Variants in IMMP1L observed in about 807,000 individuals in gnomAD.
IMMP1L encodes inner mitochondrial membrane peptidase subunit 1, also known as mitochondrial inner membrane protease subunit 1.
Under a neutral mutation model 21.8 loss-of-function variants are expected in IMMP1L, and 24 were observed. The ratio of observed to expected loss-of-function variants is 1.10; its 90% CI spans 0.80 to 1.55. The LOEUF is 1.55. Among genes scored for constraint, IMMP1L ranks in the 40% most tolerant of loss-of-function variants. The pLI, the probability that IMMP1L is intolerant of heterozygous loss-of-function variation, is 0.00. For synonymous variants in IMMP1L, 46 were observed against 62.8 expected (o/e 0.73, Z 1.26); for missense variants, 195 against 200.7 (o/e 0.97, Z 0.17).
At chr11:31,495,594 A>G (rs1955405384) in intron 1 of IMMP1L, among the ~76,000 whole-genome samples, 2 of 152,230 alleles carry the variant, frequency 1.3e-5, no homozygotes, top group African/African-American at 4.8e-5. Flanking sequence ...AAATGTTGAT[A>G]TTATTATTTT....
At chr11:31,449,468 T>A (rs939076461) in intron 4 of IMMP1L, among the ~76,000 whole-genome samples, 1 of 152,224 alleles carries the variant, frequency 6.6e-6, no homozygotes, top group Non-Finnish European at 1.5e-5. Context: ...AGGTTGTCCA[T>A]CAGTTTTATT....
intron 3 of IMMP1L, 118 bp from the exon 4 acceptor site, chr11:31,456,504 A>G (rs1237259245): frequency 1.5e-6 from 1 of 660,774 alleles, no homozygotes; most frequent in South Asian, 2.8e-5. Context: ...TTATCCTCTC[A>G]TATACTTACT....
intron 4 of IMMP1L, among the ~76,000 whole-genome samples, chr11:31,455,003 T>C (rs536714651): frequency 2.2e-4 from 34 of 152,260 alleles, no homozygotes; most frequent in African/African-American, 7.2e-4. Flanking sequence ...CGTAGAAAAA[T>C]ATGTTACCTG....
Position 31,472,594 on chromosome 11 carries a change from A to T in IMMP1L, c.-29-9289T>A, listed in dbSNP as rs1954595409. ...GAATCTGTTACTTTTTTTATTCCCT[A>T]TCATATTTACATTAAAAAAACTGAG... On this transcript the variant is annotated intron_variant, in intron 1 of 5. Coordinates refer to ENST00000532287, the MANE Select transcript of IMMP1L (RefSeq NM_001304274.2). Among the ~76,000 whole-genome samples, 4 of 152,170 alleles carry T rather than the reference A, an allele frequency of 2.6e-5. No homozygotes were observed. The South Asian group carries it at 8.3e-4, about 32-fold the overall frequency.
At chr11:31,497,611 G>A (rs1156728529) in intron 1 of IMMP1L, among the ~76,000 whole-genome samples, 5 of 152,012 alleles carry the variant, frequency 3.3e-5, no homozygotes, top group African/African-American at 9.7e-5. Flanking sequence ...AGAGGCACGC[G>A]CTACCACGCC....
intron 1 of IMMP1L, among the ~76,000 whole-genome samples, chr11:31,495,919 TGGCC>T (rs1414462402): frequency 1.3e-5 from 2 of 152,196 alleles, no homozygotes; most frequent in African/African-American, 4.8e-5. Flanking sequence ...AACTCTTGAT[TGGCC>T]ATGATTCATT....
At chr11:31,489,477 G>A (rs551930204) in intron 1 of IMMP1L, among the ~76,000 whole-genome samples, 45 of 152,132 alleles carry the variant, frequency 3.0e-4, no homozygotes, top group Non-Finnish European at 5.7e-4. Context: ...TAAAGAATAC[G>A]GTTTCACTCT....
chr11:31,438,847 T>G (rs963112159), intron 4 of IMMP1L, among the ~76,000 whole-genome samples: 24 of 152,222 alleles, frequency 1.6e-4, no homozygotes, highest in African/African-American at 5.8e-4. Flanking sequence ...AGTCCACCTT[T>G]TCTTCAGGTA....
chr11:31,497,419 A>G (rs1258882977), intron 1 of IMMP1L, among the ~76,000 whole-genome samples: 2 of 151,646 alleles, frequency 1.3e-5, no homozygotes, highest in Admixed American at 6.6e-5. Flanking sequence ...GAAACAAGAG[A>G]GAATAACAAG....
intron 1 of IMMP1L, among the ~76,000 whole-genome samples, chr11:31,487,800 C>T (rs1258133058): frequency 6.6e-6 from 1 of 152,086 alleles, no homozygotes; most frequent in Non-Finnish European, 1.5e-5. Flanking sequence ...TACAGTTATT[C>T]CAACTTTTAG....
chr11:31,436,729 A>G (rs1591937545), intron 4 of IMMP1L, among the ~76,000 whole-genome samples: 1 of 152,024 alleles, frequency 6.6e-6, no homozygotes, highest in Non-Finnish European at 1.5e-5. Flanking sequence ...AGTGCGCCCA[A>G]CCATCGCTGG....
At chr11:31,466,300 G>C (rs1014176077) in intron 1 of IMMP1L, among the ~76,000 whole-genome samples, 2 of 152,024 alleles carry the variant, frequency 1.3e-5, no homozygotes, top group Non-Finnish European at 2.9e-5. Flanking sequence ...CATATACCCT[G>C]TTAGTGGGAA....
intron 1 of IMMP1L, among the ~76,000 whole-genome samples, chr11:31,491,539 G>A (rs971341832): frequency 3.9e-5 from 6 of 152,192 alleles, no homozygotes; most frequent in Non-Finnish European, 1.5e-5. Flanking sequence ...AGATTTCCAA[G>A]CAAAGTGTTA....
chr11:31,483,082 T>C (rs1012684798), intron 1 of IMMP1L, among the ~76,000 whole-genome samples: 1 of 152,030 alleles, frequency 6.6e-6, no homozygotes, highest in Non-Finnish European at 1.5e-5. Flanking sequence ...TATAATTTTC[T>C]ATATATAATA....
intron 1 of IMMP1L, among the ~76,000 whole-genome samples, chr11:31,487,091 G>A (rs1017135339): frequency 5.9e-5 from 9 of 151,578 alleles, no homozygotes; most frequent in African/African-American, 2.2e-4. Flanking sequence ...ACAACAAAAA[G>A]TTATAATTAT....
intron 1 of IMMP1L, among the ~76,000 whole-genome samples, chr11:31,478,177 C>T (rs1954784224): frequency 6.6e-6 from 1 of 152,180 alleles, no homozygotes; most frequent in African/African-American, 2.4e-5. Flanking sequence ...CCATATGCAG[C>T]CGCCTGGTTT....
At chr11:31,452,797 C>G in intron 4 of IMMP1L, 1 of 974,944 alleles carries the variant, frequency 1.0e-6, no homozygotes, top group Non-Finnish European at 1.2e-6. Flanking sequence ...GTTGCCCAGG[C>G]TGCAGTGCAG....
At chr11:31,485,314 T>C (rs1176472968) in intron 1 of IMMP1L, among the ~76,000 whole-genome samples, 1 of 151,888 alleles carries the variant, frequency 6.6e-6, no homozygotes, top group Non-Finnish European at 1.5e-5. Context: ...CCAAGTCCAC[T>C]GGACTTCCTA....
chr11:31,470,335 C>G (rs1324042199), intron 1 of IMMP1L, among the ~76,000 whole-genome samples: 1 of 151,968 alleles, frequency 6.6e-6, no homozygotes, highest in Non-Finnish European at 1.5e-5. Context: ...ATCGCTTGAA[C>G]CCGGGAGGCG....
Sources: allele counts gnomAD v4.1 joint callset (sites outside exome capture counted in the v4.1 genomes callset), GRCh38; gene constraint gnomAD v4.1.1; transcripts MANE v1.5; gene names NCBI Gene and HGNC (gene_info 2026-07-23, HGNC 2026-07-21).